Variants in PCDHGA6 observed in about 807,000 individuals in gnomAD.
The protein encoded by PCDHGA6 is protocadherin gamma-A6.
In PCDHGA6, 41 loss-of-function variants were observed where a neutral mutation model predicts 60.6. The ratio of observed to expected loss-of-function variants is 0.68; its 90% CI spans 0.53 to 0.88. The LOEUF (loss-of-function observed/expected upper bound fraction) is 0.88. PCDHGA6 is among the 40% of genes least tolerant of loss of function. PCDHGA6 has a pLI of 0.00. For missense variants in PCDHGA6, 1,312 were observed against 1,203.0 expected, an observed-to-expected ratio of 1.09 and a Z score of -1.34; for synonymous variants, 594 against 524.4, an observed-to-expected ratio of 1.13 and a Z score of -1.81.
intron 1 of PCDHGA6, chr5:141,384,444 C>G (rs751427123): frequency 1.9e-6 from 3 of 1,613,906 alleles, no homozygotes; most frequent in Non-Finnish European, 2.5e-6. Context: ...GAGTCCTGTA[C>G]GCGCTGCAAT....
chr5:141,491,503 G>C lies in PCDHGA6; in HGVS notation c.2425-3304G>C. On this transcript the variant is annotated intron_variant, in intron 1 of 3. Coordinates refer to ENST00000517434, the MANE Select transcript of PCDHGA6 (RefSeq NM_018919.3). The surrounding 1 kb of genome is among the most constrained non-coding windows in gnomAD (Gnocchi z 6.9). ...CCCCAACCTGCAGGTGAGCTCGGACGGCACGCTCAAGTACATGGAGGTGAC... is the reference window on the plus strand; with the variant it reads ...CCCCAACCTGCAGGTGAGCTCGGACCGCACGCTCAAGTACATGGAGGTGAC... The C allele has an allele frequency of 6.2e-7, 1 of 1,614,030 alleles. No homozygotes were observed.
chr5:141,458,390 C>T (rs2098944487), intron 1 of PCDHGA6, among the ~76,000 whole-genome samples: 1 of 152,058 alleles, frequency 6.6e-6, no homozygotes, highest in Non-Finnish European at 1.5e-5. Context: ...GAAGACGCTC[C>T]CCCTTGCAGA....
At chr5:141,390,025 G>A (rs762363185) in intron 1 of PCDHGA6, 2 of 1,613,882 alleles carry the variant, frequency 1.2e-6, no homozygotes, top group African/African-American at 1.3e-5. Flanking sequence ...TTGCGCCTGC[G>A]ACGCTCCTCC....
At position 141,374,302 on chromosome 5, in the gene PCDHGA6, GC is replaced by G; in HGVS notation, c.220del (p.Leu74PhefsTer4). On this transcript the variant is annotated frameshift_variant, in exon 1 of 4. Coordinates refer to ENST00000517434, the MANE Select transcript of PCDHGA6 (RefSeq NM_018919.3). LOFTEE classifies it high-confidence loss of function. ...VRIVSRGRMQ[L>X]FSLNPRNGSL... is the part of the protein sequence containing the mutation. The stretch of plus-strand genomic sequence containing the variant: ...GCATCGTCTCCAGAGGTAGGATGCA[GC>G]TTTTCTCTCTGAATCCGCGAAACGG... The G allele has an allele frequency of 6.2e-7, 1 of 1,613,984 alleles. No homozygotes were observed. Among genetic ancestry groups the G allele is most frequent in the Non-Finnish European group, 8.5e-7 (1 of 1,179,842 alleles).
At chr5:141,380,329 C>G (rs2150159068) in intron 1 of PCDHGA6, among the ~76,000 whole-genome samples, 1 of 152,142 alleles carries the variant, frequency 6.6e-6, no homozygotes, top group Non-Finnish European at 1.5e-5. Flanking sequence ...CTAAATGGAA[C>G]TTCAAAGAAC....
intron 1 of PCDHGA6, among the ~76,000 whole-genome samples, chr5:141,479,107 G>A (rs1212999480): frequency 6.6e-6 from 1 of 152,090 alleles, no homozygotes; most frequent in Non-Finnish European, 1.5e-5. Flanking sequence ...TTTATTTCAA[G>A]CATTCTACTG....
chr5:141,404,180 C>A (rs774534952), intron 1 of PCDHGA6: 10 of 1,613,196 alleles, frequency 6.2e-6, no homozygotes, highest in Non-Finnish European at 8.5e-6. Flanking sequence ...GGCCCAAATT[C>A]TTGACCGAGA....
At chr5:141,395,194 C>T (rs867640127) in intron 1 of PCDHGA6, 2 of 1,613,922 alleles carry the variant, frequency 1.2e-6, no homozygotes, top group Non-Finnish European at 1.7e-6. Context: ...TTGTTAACAT[C>T]CGTAGATTTT....
In PCDHGA6 at chr5:141,431,140, C is replaced by G. The variant is rs145692116; in HGVS notation, c.2424+54633C>G. The G allele has an allele frequency of 6.2e-7, 1 of 1,614,208 alleles. No individual in the cohort carries two copies. The highest frequency in any genetic ancestry group is 1.7e-5 in the Admixed American group (1 of 60,038). On this transcript the variant is annotated intron_variant, in intron 1 of 3. Transcript: ENST00000517434. This position sits in a 1 kb window ranked among gnomAD's most constrained non-coding sequence, Gnocchi z 4.8. The stretch of plus-strand genomic sequence containing the variant: ...TAGAAGTAGAAGTAAGGGACATTAA[C>G]GACAATGCGCCTTACTTTCGTGAAA...
At chr5:141,442,473 C>T (rs1435437337) in intron 1 of PCDHGA6, 1 of 152,240 alleles carries the variant, frequency 6.6e-6, no homozygotes, top group Non-Finnish European at 1.5e-5. Flanking sequence ...CAGAAAGCCC[C>T]TTGGGGAAGG....
intron 1 of PCDHGA6, chr5:141,415,272 A>G (rs771588742): frequency 1.3e-5 from 21 of 1,614,208 alleles, no homozygotes; most frequent in African/African-American, 9.3e-5. Context: ...ACCTGGTGGT[A>G]GCGGTGGCCG....
chr5:141,405,231 C>A, intron 1 of PCDHGA6: 1 of 1,614,130 alleles, frequency 6.2e-7, no homozygotes, highest in Non-Finnish European at 8.5e-7. Flanking sequence ...TTCTCCCTCA[C>A]CGCTGACTCA....
Position 141,489,087 on chromosome 5 carries a change from TGA to T in PCDHGA6, c.2425-5719_2425-5718del. The T allele has an allele frequency of 4.6e-6, 1 of 216,098 alleles. No individual in the cohort carries two copies. 13.4% of individuals were successfully genotyped at this position (216,098 alleles called of 1,614,324 possible). ...CCCCCTGCCCACCCCCGCCACTCGGTGACTAAGAACTGCTGCAAGCAGGCAAA... is the reference window on the plus strand; with the variant it reads ...CCCCCTGCCCACCCCCGCCACTCGGTCTAAGAACTGCTGCAAGCAGGCAAA... On this transcript the variant is annotated intron_variant, in intron 1 of 3. Transcript: ENST00000517434. The surrounding 1 kb of genome is among the most constrained non-coding windows in gnomAD (Gnocchi z 4.5).
chr5:141,431,833 AAACTCT>A lies in PCDHGA6; in HGVS notation c.2424+55327_2424+55332del. The A allele has an allele frequency of 1.2e-6, 2 of 1,614,278 alleles. No homozygotes were observed. Among genetic ancestry groups the A allele is most frequent in the Non-Finnish European group, 1.7e-6 (2 of 1,180,044 alleles). ...CCTCTCTCGCCAGCTCGGTTCCCGA[AAACTCT>A]CCCAGAGGGACATTAATTGCCCTTT... is the stretch of plus-strand genomic sequence containing the variant. On this transcript the variant is annotated intron_variant, in intron 1 of 3. Transcript: ENST00000517434. This position sits in a 1 kb window ranked among gnomAD's most constrained non-coding sequence, Gnocchi z 4.8.
chr5:141,439,667 C>T (rs149776177), intron 1 of PCDHGA6, among the ~76,000 whole-genome samples: 2,012 of 152,292 alleles, frequency 0.013, 16 homozygotes, highest in Middle Eastern at 0.034. Context: ...TCATGGAATG[C>T]AAATCCAAGA....
intron 1 of PCDHGA6, chr5:141,416,864 G>C (rs2096066198): frequency 6.6e-6 from 1 of 151,862 alleles, no homozygotes; most frequent in Admixed American, 6.6e-5. Flanking sequence ...TTTCAGGTCA[G>C]TCAACATTTG....
At chr5:141,408,297 C>G in intron 1 of PCDHGA6, 1 of 1,613,652 alleles carries the variant, frequency 6.2e-7, no homozygotes, top group East Asian at 2.2e-5. Flanking sequence ...CTGAGTGAGC[C>G]GATCCGCTAC....
Position 141,476,540 on chromosome 5 carries a change from T to C in PCDHGA6, c.2425-18267T>C, listed in dbSNP as rs148362631. On this transcript the variant is annotated intron_variant, in intron 1 of 3. Coordinates refer to ENST00000517434, the MANE Select transcript of PCDHGA6 (RefSeq NM_018919.3). The surrounding 1 kb of genome is among the most constrained non-coding windows in gnomAD (Gnocchi z 7.6). Reference sequence around the variant, plus strand: ...TGCTTTCCCTACCCAGGAAATGAAATTGGAGATTAGCGAGGCCGTGGCTCC... The same window carrying C: ...TGCTTTCCCTACCCAGGAAATGAAACTGGAGATTAGCGAGGCCGTGGCTCC... 9.4e-5 allele frequency: 151 copies of C among 1,614,122 alleles called. 1 individual carries two copies. In the African/African-American group the frequency reaches 1.3e-3, roughly 14 times the overall value.
At chr5:141,497,722 T>C (rs1395904793) in intron 2 of PCDHGA6, among the ~76,000 whole-genome samples, 1 of 152,030 alleles carries the variant, frequency 6.6e-6, no homozygotes, top group Non-Finnish European at 1.5e-5. Flanking sequence ...GTATTTTTAG[T>C]AGAGATGGGT....
Sources: allele counts gnomAD v4.1 joint callset (sites outside exome capture counted in the v4.1 genomes callset), GRCh38; gene constraint gnomAD v4.1.1; non-coding constraint Gnocchi (gnomAD v3.1); transcripts MANE v1.5; gene names NCBI Gene and HGNC (gene_info 2026-07-23, HGNC 2026-07-21).